Variants in WDR83OS observed in about 807,000 individuals in gnomAD.
WDR83OS encodes the protein PAT complex subunit Asterix.
A neutral mutation model predicts 13.7 loss-of-function variants in WDR83OS; 15 were observed. The ratio of observed to expected loss-of-function variants is 1.09; its 90% confidence interval spans 0.73 to 1.69. The LOEUF (loss-of-function observed/expected upper bound fraction) is 1.69, where lower values mean the gene tolerates loss of function less well. Among genes scored for constraint, WDR83OS ranks in the 40% most tolerant of loss-of-function variants. WDR83OS has a pLI of 0.00. For missense variants in WDR83OS, 145 were observed against 143.2 expected (o/e 1.01, Z -0.06); for synonymous variants, 68 against 52.9 (o/e 1.29, Z -1.24).
At position 12,668,260 on chromosome 19, in the gene WDR83OS, G is replaced by A. The variant is rs2145300832; in HGVS notation, c.*99C>T. On this transcript the variant is annotated 3_prime_UTR_variant, in exon 4 of 4. Coordinates refer to ENST00000596731, the MANE Select transcript of WDR83OS (RefSeq NM_016145.4). ...GGGGGCACCGAGACGGCCTCATTCA[G>A]GGAAGTCCAGGATGGCAGCTGAAGG... 7.8e-7 allele frequency: 1 copy of A among 1,288,238 alleles called. No individual in the cohort carries two copies. The highest frequency in any genetic ancestry group is 1.5e-5 in the African/African-American group (1 of 67,256). The allele number at this position is 1,288,238 out of a possible 1,614,324, so 79.8% of individuals were successfully genotyped here.
intron 2 of WDR83OS, among the ~76,000 whole-genome samples, 188 bp from the exon 3 acceptor site, chr19:12,668,805 T>C (rs546975955): frequency 1.3e-5 from 2 of 152,300 alleles, no homozygotes; most frequent in South Asian, 4.1e-4. Context: ...AGTCCTACTG[T>C]CTGGCCTGCG....
chr19:12,669,096 A>T (rs780132258), intron 2 of WDR83OS, 32 bp downstream of exon 2: 1 of 1,607,870 alleles, frequency 6.2e-7, no homozygotes. Flanking sequence ...TCTCAGGTCC[A>T]ACTACACCCA....
intron 1 of WDR83OS, 26 bp downstream of exon 1, chr19:12,669,328 C>T (rs1286353160): frequency 3.7e-6 from 6 of 1,605,408 alleles, no homozygotes; most frequent in Admixed American, 1.7e-5. Flanking sequence ...AACCCGAACC[C>T]GTGCCCACGA....
At chr19:12,668,490 G>C (rs1207905202) in intron 3 of WDR83OS, 30 bp downstream of exon 3, 2 of 1,613,752 alleles carry the variant, frequency 1.2e-6, no homozygotes, top group South Asian at 2.2e-5. Context: ...CCTTACTCAA[G>C]AGTCACTTGT....
intron 2 of WDR83OS, 114 bp downstream of exon 2, chr19:12,669,014 C>T: frequency 1.8e-6 from 2 of 1,099,526 alleles, no homozygotes; most frequent in South Asian, 1.3e-5. Flanking sequence ...CACTCCCGGC[C>T]GATCTCAGGT....
At chr19:12,668,983 G>A (rs369956598) in intron 2 of WDR83OS, 145 bp downstream of exon 2, 2 of 816,714 alleles carry the variant, frequency 2.4e-6, no homozygotes, top group Non-Finnish European at 3.9e-6. Flanking sequence ...GGGCTTTCTC[G>A]GCCCAGCGTC....
Position 12,668,634 on chromosome 19 carries a change from G to C in WDR83OS, c.157-17C>G. On this transcript the variant is annotated splice_polypyrimidine_tract_variant and intron_variant, in intron 2 of 3. Transcript: ENST00000596731. ...CCACTTCAGCTAGGGAAAGGTAAGT[G>C]GGTGGGCAGGTTAGTGAAAGGCACA... The C allele has an allele frequency of 6.2e-7, 1 of 1,610,548 alleles. No individual in the cohort carries two copies. Among genetic ancestry groups the C allele is most frequent in the Non-Finnish European group, 8.5e-7 (1 of 1,177,364 alleles).
rs770344659 is a variant in WDR83OS, at chr19:12,668,478, C to A, written c.254+42G>T. The A allele has an allele frequency of 6.2e-6, 10 of 1,613,276 alleles. No individual in the cohort carries two copies. In the South Asian group the frequency reaches 7.7e-5, roughly 12 times the overall value. ...GGATGGCCAGGCTGGGGTCCCCCCACCCCTTACTCAAGAGTCACTTGTTCT... is the reference window on the plus strand; with the variant it reads ...GGATGGCCAGGCTGGGGTCCCCCCAACCCTTACTCAAGAGTCACTTGTTCT... On this transcript the variant is annotated intron_variant, in intron 3 of 3. Transcript: ENST00000596731.
chr19:12,669,051 C>A, intron 2 of WDR83OS, 77 bp downstream of exon 2: 2 of 1,476,578 alleles, frequency 1.4e-6, no homozygotes, highest in East Asian at 2.3e-5. Flanking sequence ...TGACAAGACA[C>A]CCCGCTTCAT....
At position 12,668,197 on chromosome 19, in the gene WDR83OS, T is replaced by G. The variant is rs1599363699; in HGVS notation, c.*162A>C. 1 of 665,462 alleles carries G rather than the reference T, an allele frequency of 1.5e-6. No individual in the cohort carries two copies. Among genetic ancestry groups the G allele is most frequent in the East Asian group, 2.8e-5 (1 of 36,080 alleles). 41.2% of individuals were successfully genotyped at this position (665,462 alleles called of 1,614,324 possible). A position where few individuals can be genotyped will look rare whatever the true frequency, so the allele number is the denominator to read the frequency against. ...GGAGGCAGGAGGGGTAAGCCTAGGG[T>G]GTTCCCTAGGAAAGGGCCAGGTTCC... On this transcript the variant is annotated 3_prime_UTR_variant, in exon 4 of 4. Transcript: ENST00000596731.
Position 12,669,173 on chromosome 19 carries a change from C to T in WDR83OS, c.111G>A (p.Met37Ile). Residue 37 changes from methionine (M) to isoleucine (I), a missense_variant, in exon 2 of 4, where the codon ATG (methionine) becomes ATA (isoleucine). By Grantham distance (10) the Met-to-Ile change is conservative. Coordinates refer to ENST00000596731, the MANE Select transcript of WDR83OS (RefSeq NM_016145.4). ...PALDDPTPDY[M>I]NLLGMIFSMC... Reference sequence around the variant, plus strand: ...TGCTGAAGATCATGCCCAGCAGGTTCATGTAGTCCGGCGTCGGGTCGTCCA... The same window carrying T: ...TGCTGAAGATCATGCCCAGCAGGTTTATGTAGTCCGGCGTCGGGTCGTCCA... 1.2e-6 allele frequency: 2 copies of T among 1,614,202 alleles called. No individual in the cohort carries two copies. Among genetic ancestry groups the T allele is most frequent in the Non-Finnish European group, 1.7e-6 (2 of 1,180,046 alleles).
intron 2 of WDR83OS, 148 bp from the exon 3 acceptor site, chr19:12,668,765 C>T (rs939767139): frequency 3.9e-5 from 27 of 697,844 alleles, no homozygotes; most frequent in Non-Finnish European, 6.1e-5. Context: ...GTCCCACCTG[C>T]TCATGGCATA....
rs535584403 is a variant in WDR83OS at position 12,668,161 on chromosome 19, G to C, written c.*198C>G. On this transcript the variant is annotated 3_prime_UTR_variant, in exon 4 of 4. Transcript: ENST00000596731. ...ATGGACAGCATCTCCCCCAGCAGCA[G>C]GCAGGGGAAGGGAGGCAGGAGGGGT... The C allele has an allele frequency of 1.5e-4, 90 of 581,216 alleles. 1 individual carries two copies. The South Asian group carries it at 1.8e-3, about 11-fold the overall frequency. The allele number at this position is 581,216 out of a possible 1,614,324, so 36.0% of individuals were successfully genotyped here. A position where few individuals can be genotyped will look rare whatever the true frequency, so the allele number is the denominator to read the frequency against.
Position 12,668,073 on chromosome 19 carries a change from C to A in WDR83OS, c.*286G>T. On this transcript the variant is annotated 3_prime_UTR_variant, in exon 4 of 4. Coordinates refer to ENST00000596731, the MANE Select transcript of WDR83OS (RefSeq NM_016145.4). Reference sequence around the variant, plus strand: ...CCACTGAACAGAAGAGGCTGACAGCCAGAGTGAAAAACTTTATTAACAACA... The same window carrying A: ...CCACTGAACAGAAGAGGCTGACAGCAAGAGTGAAAAACTTTATTAACAACA... 1 of 374,250 alleles carries A rather than the reference C, an allele frequency of 2.7e-6. No individual in the cohort carries two copies. The highest frequency in any genetic ancestry group is 5.1e-6 in the Non-Finnish European group (1 of 197,432). The allele number at this position is 374,250 out of a possible 1,614,324, so 23.2% of individuals were successfully genotyped here. A position where few individuals can be genotyped will look rare whatever the true frequency, so the allele number is the denominator to read the frequency against.
In WDR83OS at chr19:12,668,320, G is replaced by A. The variant is rs766436213; in HGVS notation, c.*39C>T. The A allele has an allele frequency of 2.4e-5, 38 of 1,586,250 alleles. No individual in the cohort carries two copies. Among genetic ancestry groups the A allele is most frequent in the Non-Finnish European group, 2.8e-5 (33 of 1,165,916 alleles). The stretch of plus-strand genomic sequence containing the variant: ...TAGCAGCCAAAGCCCAGGCCTAGTG[G>A]ATAGACAGGGTCCAAAATGTGACCC... On this transcript the variant is annotated 3_prime_UTR_variant, in exon 4 of 4. Coordinates refer to ENST00000596731, the MANE Select transcript of WDR83OS (RefSeq NM_016145.4).
At position 12,668,815 on chromosome 19, in the gene WDR83OS, G is replaced by C. The variant is rs1412743637; in HGVS notation, c.157-198C>G. ...TTTCTAGTCCTACTGTCTGGCCTGC[G>C]TCTCTCAGGACCAAGAGAGACTCTG... On this transcript the variant is annotated intron_variant, in intron 2 of 3. Transcript: ENST00000596731. 2.0e-5 allele frequency among the ~76,000 whole-genome samples: 3 copies of C among 152,062 alleles called. No individual in the cohort carries two copies. The East Asian group carries it at 5.8e-4, about 29-fold the overall frequency.
intron 2 of WDR83OS, 54 bp from the exon 3 acceptor site, chr19:12,668,671 C>G: frequency 6.9e-7 from 1 of 1,445,064 alleles, no homozygotes; most frequent in Middle Eastern, 2.1e-4. Context: ...CAATGAGTCC[C>G]CGAAGCCACC....
chr19:12,669,275 C>G, intron 1 of WDR83OS, 42 bp from the exon 2 acceptor site: 1 of 1,610,376 alleles, frequency 6.2e-7, no homozygotes, highest in South Asian at 1.1e-5. Context: ...GGTCCTGCCC[C>G]CGGGATAGAC....
rs1205772651 is a variant in WDR83OS, at chr19:12,669,242, G to A, written c.51-9C>T. On this transcript the variant is annotated splice_polypyrimidine_tract_variant and intron_variant, in intron 1 of 3. Coordinates refer to ENST00000596731, the MANE Select transcript of WDR83OS (RefSeq NM_016145.4). ...TCGGCGGGGGCTTGTACCTGCGACA[G>A]GCTCGAGGGTCAGGGGCGCTCAGGT... 1.2e-6 allele frequency: 2 copies of A among 1,613,838 alleles called. No homozygotes were observed. The highest frequency in any genetic ancestry group is 4.5e-5 in the East Asian group (2 of 44,872).
Sources: allele counts gnomAD v4.1 joint callset (sites outside exome capture counted in the v4.1 genomes callset), GRCh38; gene constraint gnomAD v4.1.1; transcripts MANE v1.5; gene names NCBI Gene and HGNC (gene_info 2026-07-23, HGNC 2026-07-21).